SPECC1: variants seen among roughly 807,000 people sequenced by gnomAD.
SPECC1 encodes the protein sperm antigen with calponin homology and coiled-coil domains 1.
A neutral mutation model predicts 104.1 loss-of-function variants in SPECC1; 62 were observed. The ratio of observed to expected loss-of-function variants is 0.60; its 90% CI spans 0.49 to 0.74. The LOEUF (loss-of-function observed/expected upper bound fraction) is 0.74. Ranked by LOEUF, SPECC1 falls within the 30% of genes least tolerant of loss-of-function variation. SPECC1 has a pLI of 0.00. For synonymous variants in SPECC1, 513 were observed against 501.6 expected (o/e 1.02, Z -0.30); for missense variants, 1,306 against 1,310.5 (o/e 1.00, Z 0.05).
Position 20,055,758 on chromosome 17 carries a change from A to T in SPECC1, c.-21-40873A>T, listed in dbSNP as rs909601681. Among the ~76,000 whole-genome samples, 4 of 152,192 alleles carry T rather than the reference A, an allele frequency of 2.6e-5. No homozygotes were observed. In the East Asian group the frequency reaches 7.7e-4, roughly 29 times the overall value. On this transcript the variant is annotated intron_variant, in intron 1 of 14. Coordinates refer to ENST00000395527, the MANE Select transcript of SPECC1 (RefSeq NM_001243439.2). Reference sequence around the variant, plus strand: ...TCACTGATGCTTTCATTGGCCATGAAGGCTTTGCTGGTTGTTGGTGCCATC... The same window carrying T: ...TCACTGATGCTTTCATTGGCCATGATGGCTTTGCTGGTTGTTGGTGCCATC...
Position 20,021,778 on chromosome 17 carries a change from C to T in SPECC1, c.-22+12354C>T, listed in dbSNP as rs182876489. ...GTCTTGATCTCTTGACCTCATGATCCGCCCGCCTTGGCCTCCCAAAGTGGT... is the reference window on the plus strand; with the variant it reads ...GTCTTGATCTCTTGACCTCATGATCTGCCCGCCTTGGCCTCCCAAAGTGGT... On this transcript the variant is annotated intron_variant, in intron 1 of 14. Transcript: ENST00000395527. 2.2e-3 allele frequency among the ~76,000 whole-genome samples: 331 copies of T among 147,382 alleles called. 1 individual carries two copies. Among genetic ancestry groups the T allele is most frequent in the African/African-American group, 7.5e-3 (303 of 40,646 alleles).
At chr17:20,246,212 C>T in intron 8 of SPECC1, 141 bp downstream of exon 8, 1 of 947,776 alleles carries the variant, frequency 1.1e-6, no homozygotes, top group South Asian at 1.6e-5. Flanking sequence ...CACGTGCAGC[C>T]ACTGCATGCA....
intron 9 of SPECC1, among the ~76,000 whole-genome samples, chr17:20,251,000 G>A (rs994794750): frequency 2.0e-5 from 3 of 152,030 alleles, no homozygotes; most frequent in Non-Finnish European, 4.4e-5. Flanking sequence ...GCCAAGGTAG[G>A]TGGATCACTG....
chr17:20,248,810 T>G (rs890532218), intron 9 of SPECC1, among the ~76,000 whole-genome samples: 13 of 152,238 alleles, frequency 8.5e-5, no homozygotes, highest in African/African-American at 3.1e-4. Context: ...AATGTCATAT[T>G]AATAGTTATC....
At chr17:20,098,095 CT>C (rs968699218) in intron 2 of SPECC1, among the ~76,000 whole-genome samples, 2 of 152,144 alleles carry the variant, frequency 1.3e-5, no homozygotes, top group African/African-American at 4.8e-5. Context: ...GCTGGGACCC[CT>C]CTAACTGCCT....
At chr17:20,156,125 C>G (rs1316850052) in intron 3 of SPECC1, 7 of 1,382,484 alleles carry the variant, frequency 5.1e-6, no homozygotes, top group Non-Finnish European at 6.6e-6. Flanking sequence ...CCAGCCGGAG[C>G]CAGCGCGAGC....
chr17:20,120,111 G>A lies in SPECC1; in HGVS notation c.283+9549G>A, dbSNP rs1366672731. 1.3e-4 allele frequency among the ~76,000 whole-genome samples: 20 copies of A among 152,198 alleles called. 1 individual carries two copies. Among genetic ancestry groups the A allele is most frequent in the Admixed American group, 1.3e-3 (20 of 15,280 alleles). On this transcript the variant is annotated intron_variant, in intron 3 of 14. Coordinates refer to ENST00000395527, the MANE Select transcript of SPECC1 (RefSeq NM_001243439.2). ...GGGTTTTAAAATCTCAGTACTGCCG[G>A]GTGGGGTGGCTTATGCCTGTAATCC...
chr17:20,222,503 T>C (rs1329037157), intron 4 of SPECC1, among the ~76,000 whole-genome samples: 2 of 152,230 alleles, frequency 1.3e-5, no homozygotes, highest in African/African-American at 4.8e-5. Context: ...AAGTCTGATA[T>C]TTCTTTGTTG....
chr17:20,041,194 A>G (rs189351804), intron 1 of SPECC1, among the ~76,000 whole-genome samples: 36 of 151,912 alleles, frequency 2.4e-4, no homozygotes, highest in Admixed American at 1.6e-3. Flanking sequence ...TTTCCATTCA[A>G]TTTGGTTACT....
intron 1 of SPECC1, among the ~76,000 whole-genome samples, chr17:20,041,093 T>G (rs2045307711): frequency 6.6e-6 from 1 of 152,054 alleles, no homozygotes; most frequent in Admixed American, 6.6e-5. Flanking sequence ...GGCCAGTCTA[T>G]TTTCTTTCTG....
In SPECC1 at chr17:20,314,394, T is replaced by C. The variant is rs1373892424; in HGVS notation, c.*329T>C. The C allele has an allele frequency of 3.0e-6, 1 of 329,472 alleles. No individual in the cohort carries two copies. Among genetic ancestry groups the C allele is most frequent in the Non-Finnish European group, 5.8e-6 (1 of 172,500 alleles). 20.4% of individuals were successfully genotyped at this position (329,472 alleles called of 1,614,324 possible). On this transcript the variant is annotated 3_prime_UTR_variant, in exon 15 of 15. Coordinates refer to ENST00000395527, the MANE Select transcript of SPECC1 (RefSeq NM_001243439.2). The stretch of plus-strand genomic sequence containing the variant: ...TATATTGGGTGGCTGAACGAACACA[T>C]TATCTGCAGAAATTCAGACAAAGAA...
chr17:20,161,805 T>TC (rs1160131380), intron 3 of SPECC1, among the ~76,000 whole-genome samples: 1 of 151,530 alleles, frequency 6.6e-6, no homozygotes, highest in Non-Finnish European at 1.5e-5. Flanking sequence ...TTTCTTTTTT[T>TC]TTTTTTTGAG....
Position 20,204,960 on chromosome 17 carries a change from T to A in SPECC1, c.911T>A (p.Ile304Lys), listed in dbSNP as rs763081560. 19 of 1,614,080 alleles carry A rather than the reference T, an allele frequency of 1.2e-5. No homozygotes were observed. Among genetic ancestry groups the A allele is most frequent in the Admixed American group, 3.3e-5 (2 of 60,028 alleles). ...GACATTGATGAGTATAAAAAAAACA[T>A]ACATGGAAATGCATTACGGACATCA... ...SSDIDEYKKNIHGNALRTSGS... is the reference protein window; with the variant it reads ...SSDIDEYKKNKHGNALRTSGS... The change falls in exon 4 of 15, where the codon ATA (isoleucine) becomes AAA (lysine). Residue 304 changes from isoleucine (I) to lysine (K), a missense_variant. Around this residue, in one of 2 missense-constraint regions of SPECC1, gnomAD observed 1,177 missense variants for 1,139.9 expected, o/e 1.03. Coordinates refer to ENST00000395527, the MANE Select transcript of SPECC1 (RefSeq NM_001243439.2).
rs2042071635 is a variant in SPECC1 at position 20,318,916 on chromosome 17, T to C, written c.*4851T>C. 1 of 192,362 alleles carries C rather than the reference T, an allele frequency of 5.2e-6. No individual in the cohort carries two copies. Among genetic ancestry groups the C allele is most frequent in the African/African-American group, 2.3e-5 (1 of 42,946 alleles). 11.9% of individuals were successfully genotyped at this position (192,362 alleles called of 1,614,324 possible). A position where few individuals can be genotyped will look rare whatever the true frequency, so the allele number is the denominator to read the frequency against. ...TGTCTATAAAGAGCACACTAGATTG[T>C]ACCCAGCACTTTTGGATATGACATG... On this transcript the variant is annotated 3_prime_UTR_variant, in exon 15 of 15. Coordinates refer to ENST00000395527, the MANE Select transcript of SPECC1 (RefSeq NM_001243439.2).
chr17:20,201,489 TAAAA>T (rs1041557791), intron 3 of SPECC1, among the ~76,000 whole-genome samples: 4 of 151,622 alleles, frequency 2.6e-5, no homozygotes, highest in East Asian at 1.9e-4. Context: ...CTCAAAAAAA[TAAAA>T]AAAGAAAGAA....
intron 12 of SPECC1, among the ~76,000 whole-genome samples, chr17:20,288,989 T>C (rs2041061897): frequency 6.6e-6 from 1 of 152,074 alleles, no homozygotes; most frequent in African/African-American, 2.4e-5. Context: ...TTCACCATCT[T>C]GGCCAGGCTA....
rs142331335 is a variant in SPECC1, at chr17:20,111,981, T to C, written c.283+1419T>C. On this transcript the variant is annotated intron_variant, in intron 3 of 14. Transcript: ENST00000395527. ...GGCAAAGGTGGACTGATTGATGATA[T>C]TGCTTTGATCAGGGATGATGATGTT... 388 of 790,788 alleles carry C rather than the reference T, an allele frequency of 4.9e-4. 1 individual carries two copies. The African/African-American group carries it at 5.6e-3, about 11-fold the overall frequency. The allele number at this position is 790,788 out of a possible 1,614,324, so 49.0% of individuals were successfully genotyped here. A position where few individuals can be genotyped will look rare whatever the true frequency, so the allele number is the denominator to read the frequency against.
chr17:20,217,436 G>T (rs2037569944), intron 4 of SPECC1, among the ~76,000 whole-genome samples: 1 of 152,158 alleles, frequency 6.6e-6, no homozygotes, highest in South Asian at 2.1e-4. Flanking sequence ...TTGTAACTTG[G>T]CGCAGAGCCT....
chr17:20,143,475 G>A (rs1003137559), intron 3 of SPECC1, among the ~76,000 whole-genome samples: 4 of 151,888 alleles, frequency 2.6e-5, no homozygotes, highest in African/African-American at 9.7e-5. Context: ...CTTGAGGTCA[G>A]GGGTTTGAAA....
Sources: allele counts gnomAD v4.1 joint callset (sites outside exome capture counted in the v4.1 genomes callset), GRCh38; gene constraint gnomAD v4.1.1; regional missense constraint gnomAD v4.1.1; transcripts MANE v1.5; gene names NCBI Gene and HGNC (gene_info 2026-07-23, HGNC 2026-07-21).